The following FGF2 variants were observed in gnomAD, a reference collection of about 807,000 sequenced individuals.
The protein encoded by FGF2 is basic fibroblast growth factor bFGF.
Under a neutral mutation model 15.9 loss-of-function variants are expected in FGF2, and 13 were observed. The ratio of observed to expected loss-of-function variants is 0.82; its 90% CI spans 0.53 to 1.30. The LOEUF is 1.30. FGF2 is among the 50% of genes most tolerant of loss of function. The pLI is 0.00. For missense variants in FGF2, 163 were observed against 196.9 expected, an observed-to-expected ratio of 0.83 and a Z score of 1.03; for synonymous variants, 90 against 78.4, an observed-to-expected ratio of 1.15 and a Z score of -0.78.
chr4:122,854,230 G>A (rs980364451), intron 1 of FGF2, among the ~76,000 whole-genome samples: 7 of 152,252 alleles, frequency 4.6e-5, no homozygotes, highest in Middle Eastern at 3.4e-3. Flanking sequence ...AAAGGCATTC[G>A]CCTACAGAAT....
At chr4:122,884,234 C>G (rs1727014797) in intron 2 of FGF2, 1 of 152,238 alleles carries the variant, frequency 6.6e-6, no homozygotes, top group Non-Finnish European at 1.5e-5. Context: ...TGGCTCATGC[C>G]TGTAATCCCA....
intron 2 of FGF2, among the ~76,000 whole-genome samples, chr4:122,881,699 C>T (rs1160778187): frequency 6.6e-6 from 1 of 152,202 alleles, no homozygotes; most frequent in Non-Finnish European, 1.5e-5. Context: ...AACTTTCCCA[C>T]ATTTTCCTGT....
rs776042904 is a variant in FGF2, at chr4:122,826,936, A to T, written c.-239A>T. ...CGTCCGCGGAGACACCCATCCGTGA[A>T]CCCCAGGTCCCGGGCCGCCGGCTCG... is the stretch of plus-strand genomic sequence containing the variant. On this transcript the variant is annotated 5_prime_UTR_variant, in exon 1 of 3. Transcript: ENST00000644866. 4.1e-6 allele frequency: 6 copies of T among 1,451,052 alleles called. No individual in the cohort carries two copies. The highest frequency in any genetic ancestry group is 2.2e-5 in the Admixed American group (1 of 44,660). 89.9% of individuals were successfully genotyped at this position (1,451,052 alleles called of 1,614,324 possible). A position where few individuals can be genotyped will look rare whatever the true frequency, so the allele number is the denominator to read the frequency against.
chr4:122,839,281 T>G (rs935824083), intron 1 of FGF2, among the ~76,000 whole-genome samples: 2 of 152,122 alleles, frequency 1.3e-5, no homozygotes, highest in Non-Finnish European at 2.9e-5. Context: ...TAAAGATAAC[T>G]AAAAGGATGT....
chr4:122,842,837 G>A (rs1292454313), intron 1 of FGF2, among the ~76,000 whole-genome samples: 1 of 152,038 alleles, frequency 6.6e-6, no homozygotes, highest in Non-Finnish European at 1.5e-5. Context: ...CCCTTCATTT[G>A]TATTTGCCTT....
chr4:122,887,145 C>A (rs1192784771), intron 2 of FGF2, among the ~76,000 whole-genome samples: 2 of 152,078 alleles, frequency 1.3e-5, no homozygotes, highest in African/African-American at 4.8e-5. Context: ...GAAACCCTGT[C>A]TTTACTAAAA....
intron 1 of FGF2, among the ~76,000 whole-genome samples, chr4:122,829,276 C>T (rs969723989): frequency 3.3e-5 from 5 of 152,080 alleles, no homozygotes; most frequent in African/African-American, 9.7e-5. Context: ...CAAATGGGGA[C>T]GATTTTGCCT....
chr4:122,854,771 C>T (rs1270275714), intron 1 of FGF2, among the ~76,000 whole-genome samples: 2 of 152,090 alleles, frequency 1.3e-5, no homozygotes, highest in Non-Finnish European at 2.9e-5. Context: ...CAGTAATGCT[C>T]GTCATTGATT....
chr4:122,854,638 C>A (rs1726301285), intron 1 of FGF2, among the ~76,000 whole-genome samples: 1 of 152,158 alleles, frequency 6.6e-6, no homozygotes, highest in African/African-American at 2.4e-5. Flanking sequence ...CCTACTAAGT[C>A]CACCCAGCAT....
intron 2 of FGF2, among the ~76,000 whole-genome samples, chr4:122,877,319 G>C (rs1234852023): frequency 2.0e-5 from 3 of 152,144 alleles, no homozygotes; most frequent in African/African-American, 7.2e-5. Context: ...CGCCATGTTG[G>C]CTGGGCTGGT....
chr4:122,879,614 T>A lies in FGF2; in HGVS notation c.282+3190T>A, dbSNP rs181796269. Among the ~76,000 whole-genome samples the A allele has an allele frequency of 1.3e-3, 191 of 152,312 alleles. 1 individual carries two copies. The highest frequency in any genetic ancestry group is 4.5e-3 in the African/African-American group (185 of 41,568). On this transcript the variant is annotated intron_variant, in intron 2 of 2. Transcript: ENST00000644866. ...CATTAGTCCATTTTCATGCTGCCGA[T>A]AAAGACATACCAGAGACTGGGCAAT...
intron 2 of FGF2, among the ~76,000 whole-genome samples, chr4:122,876,724 T>C (rs570623379): frequency 6.6e-6 from 1 of 152,146 alleles, no homozygotes; most frequent in Admixed American, 6.5e-5. Flanking sequence ...TTAAAAAAAA[T>C]TTTCTTCTAT....
intron 2 of FGF2, among the ~76,000 whole-genome samples, chr4:122,886,474 A>G (rs1727061697): frequency 6.6e-6 from 1 of 152,184 alleles, no homozygotes; most frequent in African/African-American, 2.4e-5. Flanking sequence ...GATGATGGTT[A>G]TGCTCCACCT....
At chr4:122,866,136 G>A (rs185004307) in intron 1 of FGF2, among the ~76,000 whole-genome samples, 8 of 152,278 alleles carry the variant, frequency 5.3e-5, no homozygotes, top group Admixed American at 1.3e-4. Context: ...TTGGGAGGCC[G>A]AGGCGGGCGG....
chr4:122,852,085 G>T (rs567638191), intron 1 of FGF2, among the ~76,000 whole-genome samples: 43 of 152,196 alleles, frequency 2.8e-4, no homozygotes, highest in African/African-American at 9.9e-4. Flanking sequence ...GTCCTCCACT[G>T]CTTCAGTTGT....
intron 1 of FGF2, among the ~76,000 whole-genome samples, chr4:122,865,806 T>C (rs2150778635): frequency 6.6e-6 from 1 of 152,322 alleles, no homozygotes; most frequent in Non-Finnish European, 1.5e-5. Context: ...TGTAGTGATC[T>C]TTAAGTGTCA....
intron 2 of FGF2, among the ~76,000 whole-genome samples, chr4:122,885,979 T>C (rs1258713136): frequency 6.9e-6 from 1 of 145,248 alleles, no homozygotes; most frequent in Non-Finnish European, 1.5e-5. Context: ...AGGGCAGTGG[T>C]GTGATCATAG....
In FGF2 at chr4:122,865,435, C is replaced by T. The variant is rs531790740; in HGVS notation, c.179-10886C>T. 1.1e-4 allele frequency among the ~76,000 whole-genome samples: 17 copies of T among 152,076 alleles called. 1 individual carries two copies. The highest frequency in any genetic ancestry group is 4.1e-4 in the South Asian group (2 of 4,826). On this transcript the variant is annotated intron_variant, in intron 1 of 2. Coordinates refer to ENST00000644866, the MANE Select transcript of FGF2 (RefSeq NM_001361665.2). ...CCTTCTAGGTAGCTGGGATTACAGG[C>T]GCATGCCACCATGCCTGGCTAATTT... is the stretch of plus-strand genomic sequence containing the variant.
At position 122,826,857 on chromosome 4, in the gene FGF2, G is replaced by A; in HGVS notation, c.-318G>A. The A allele has an allele frequency of 6.6e-7, 1 of 1,504,168 alleles. No homozygotes were observed. The highest frequency in any genetic ancestry group is 2.2e-4 in the Middle Eastern group (1 of 4,620). 93.2% of individuals were successfully genotyped at this position (1,504,168 alleles called of 1,614,324 possible). On this transcript the variant is annotated 5_prime_UTR_variant, in exon 1 of 3. Coordinates refer to ENST00000644866, the MANE Select transcript of FGF2 (RefSeq NM_001361665.2). ...CCAGATTAGCGGACGCGGTGCCCGCGGTTGCAACGGGATCCCGGGCGCTGC... is the reference window on the plus strand; with the variant it reads ...CCAGATTAGCGGACGCGGTGCCCGCAGTTGCAACGGGATCCCGGGCGCTGC...
Sources: allele counts gnomAD v4.1 joint callset (sites outside exome capture counted in the v4.1 genomes callset), GRCh38; gene constraint gnomAD v4.1.1; transcripts MANE v1.5; gene names NCBI Gene and HGNC (gene_info 2026-07-23, HGNC 2026-07-21).